The following KCND2 variants were observed in gnomAD, a reference collection of about 807,000 sequenced individuals.
KCND2 encodes the protein A-type voltage-gated potassium channel KCND2.
KCND2 carries 16 observed loss-of-function variants against 54.4 expected under a neutral mutation model. The ratio of observed to expected loss-of-function variants is 0.29; its 90% CI spans 0.20 to 0.45. The LOEUF (loss-of-function observed/expected upper bound fraction) is 0.45, where lower values mean the gene tolerates loss of function less well. KCND2 is among the 20% of genes least tolerant of loss of function. The probability of loss-of-function intolerance (pLI) is 1.00; values close to 1 mark genes in which losing one functional copy is unlikely to be tolerated. For missense variants in KCND2, 486 were observed against 824.2 expected (o/e 0.59, Z 5.02); for synonymous variants, 317 against 310.7 (o/e 1.02, Z -0.21).
chr7:120,416,311 C>T (rs1031411557), intron 1 of KCND2, among the ~76,000 whole-genome samples: 2 of 152,140 alleles, frequency 1.3e-5, no homozygotes, highest in African/African-American at 4.8e-5. Flanking sequence ...AGAGCCTTTG[C>T]ACATATTTTT....
At chr7:120,747,560 A>T in intron 5 of KCND2, 121 bp from the exon 6 acceptor site, 1 of 689,936 alleles carries the variant, frequency 1.4e-6, no homozygotes, top group East Asian at 2.8e-5. Context: ...ATTTTTAATT[A>T]TAATAACTTT....
intron 1 of KCND2, among the ~76,000 whole-genome samples, chr7:120,369,092 T>C (rs574615547): frequency 1.5e-4 from 23 of 152,148 alleles, no homozygotes; most frequent in African/African-American, 4.8e-4. Flanking sequence ...TAAATGTACA[T>C]GAGTTAGAGT....
At chr7:120,474,693 G>C (rs1382919463) in intron 1 of KCND2, among the ~76,000 whole-genome samples, 1 of 151,806 alleles carries the variant, frequency 6.6e-6, no homozygotes, top group Non-Finnish European at 1.5e-5. Context: ...TGCCCTTCCT[G>C]TTTCTTTGAT....
chr7:120,443,684 A>T (rs1801977642), intron 1 of KCND2, among the ~76,000 whole-genome samples: 1 of 148,608 alleles, frequency 6.7e-6, no homozygotes, highest in African/African-American at 2.5e-5. Flanking sequence ...GTTAAGACTC[A>T]TTTTTTTTTT....
chr7:120,646,545 T>G (rs1332640643), intron 1 of KCND2, among the ~76,000 whole-genome samples: 1 of 152,254 alleles, frequency 6.6e-6, no homozygotes, highest in African/African-American at 2.4e-5. Flanking sequence ...ATCACCCTTC[T>G]TCATGGTTTT....
At chr7:120,369,144 A>C (rs1229877200) in intron 1 of KCND2, among the ~76,000 whole-genome samples, 2 of 151,268 alleles carry the variant, frequency 1.3e-5, no homozygotes, top group Non-Finnish European at 3.0e-5. Flanking sequence ...TTTTTTTTTT[A>C]AATAGAAAGT....
intron 1 of KCND2, among the ~76,000 whole-genome samples, chr7:120,421,614 T>A (rs924041914): frequency 5.3e-5 from 8 of 152,222 alleles, no homozygotes; most frequent in African/African-American, 1.9e-4. Context: ...CATAGGTGAT[T>A]GTTAATTTTC....
chr7:120,680,059 C>G (rs1792119948), intron 1 of KCND2, among the ~76,000 whole-genome samples: 1 of 152,024 alleles, frequency 6.6e-6, no homozygotes, highest in Admixed American at 6.6e-5. Flanking sequence ...GATTAATTTG[C>G]ATGAGAATAG....
At chr7:120,397,312 T>C (rs1801168868) in intron 1 of KCND2, among the ~76,000 whole-genome samples, 1 of 152,030 alleles carries the variant, frequency 6.6e-6, no homozygotes, top group African/African-American at 2.4e-5. Flanking sequence ...CCCTGGTAGG[T>C]ATGATTACAA....
chr7:120,546,394 T>G (rs541796330), intron 1 of KCND2, among the ~76,000 whole-genome samples: 1 of 152,062 alleles, frequency 6.6e-6, no homozygotes, highest in South Asian at 2.1e-4. Context: ...ATATTCAGTT[T>G]TTAAAGTGAC....
At chr7:120,477,972 C>T (rs562815081) in intron 1 of KCND2, among the ~76,000 whole-genome samples, 2 of 152,220 alleles carry the variant, frequency 1.3e-5, no homozygotes, top group South Asian at 4.2e-4. Context: ...GTGTTTTTCT[C>T]TTCAAAATTC....
chr7:120,624,569 C>A (rs1306056030), intron 1 of KCND2, among the ~76,000 whole-genome samples: 1 of 151,982 alleles, frequency 6.6e-6, no homozygotes, highest in Non-Finnish European at 1.5e-5. Context: ...CCTTTGAGCC[C>A]AGGAGTTCAA....
Position 120,352,931 on chromosome 7 carries a change from G to A in KCND2, c.1115+77184G>A, listed in dbSNP as rs1584743293. 8.6e-5 allele frequency among the ~76,000 whole-genome samples: 13 copies of A among 152,024 alleles called. No individual in the cohort carries two copies. In the South Asian group the frequency reaches 2.7e-3, roughly 32 times the overall value. ...AAGTTAAGAAGATCATATTCTAGGA[G>A]TGAGAAAGACATGTCAGATAACATT... is the stretch of plus-strand genomic sequence containing the variant. On this transcript the variant is annotated intron_variant, in intron 1 of 5. Transcript: ENST00000331113.
chr7:120,498,115 G>A (rs1171335781), intron 1 of KCND2, among the ~76,000 whole-genome samples: 2 of 152,098 alleles, frequency 1.3e-5, no homozygotes, highest in African/African-American at 4.8e-5. Flanking sequence ...TATTGAAATA[G>A]GGATACTATA....
intron 1 of KCND2, among the ~76,000 whole-genome samples, chr7:120,448,614 A>AT (rs1351468959): frequency 6.6e-6 from 1 of 152,016 alleles, no homozygotes; most frequent in Non-Finnish European, 1.5e-5. Context: ...CAGAGACACA[A>AT]TAAAAAAAAA....
At chr7:120,419,908 C>A (rs1401174161) in intron 1 of KCND2, among the ~76,000 whole-genome samples, 4 of 151,176 alleles carry the variant, frequency 2.6e-5, no homozygotes, top group African/African-American at 9.7e-5. Flanking sequence ...CCCCTCACTG[C>A]CTGACAAAAA....
chr7:120,677,226 C>G lies in KCND2; in HGVS notation c.1116-55677C>G, dbSNP rs557244884. On this transcript the variant is annotated intron_variant, in intron 1 of 5. Coordinates refer to ENST00000331113, the MANE Select transcript of KCND2 (RefSeq NM_012281.3). The stretch of plus-strand genomic sequence containing the variant: ...TAGAGACAGTGCAATAGAGACAGTG[C>G]TACCAAAAAAAATCTGTGAATAAAT... 2.6e-5 allele frequency among the ~76,000 whole-genome samples: 4 copies of G among 151,368 alleles called. No homozygotes were observed. The South Asian group carries it at 8.3e-4, about 31-fold the overall frequency.
At chr7:120,352,027 G>T (rs1800415670) in intron 1 of KCND2, among the ~76,000 whole-genome samples, 1 of 151,954 alleles carries the variant, frequency 6.6e-6, no homozygotes, top group Admixed American at 6.6e-5. Flanking sequence ...GGCCAGGATG[G>T]TCTCAATCTC....
intron 1 of KCND2, among the ~76,000 whole-genome samples, chr7:120,526,547 T>A (rs993977446): frequency 6.6e-6 from 1 of 152,170 alleles, no homozygotes; most frequent in Non-Finnish European, 1.5e-5. Context: ...AGGAGACAGA[T>A]GGAATTATTT....
Sources: gnomAD v4.1 joint callset for allele counts (sites outside exome capture counted in the v4.1 genomes callset) on GRCh38, gnomAD v4.1.1 for gene constraint, MANE v1.5 for transcripts, NCBI Gene and HGNC (gene_info 2026-07-23, HGNC 2026-07-21) for gene names.